Variants in MACROD2 observed in about 807,000 individuals in gnomAD.
MACROD2 encodes ADP-ribose glycohydrolase MACROD2.
In MACROD2, 36 loss-of-function variants were observed where a neutral mutation model predicts 70.4. The ratio of observed to expected loss-of-function variants is 0.51; its 90% confidence interval spans 0.39 to 0.68. The LOEUF is 0.68. MACROD2 is among the 30% of genes least tolerant of loss of function. The probability of loss-of-function intolerance (pLI) is 0.00; values close to 1 mark genes in which losing one functional copy is unlikely to be tolerated. For synonymous variants in MACROD2, 172 were observed against 178.8 expected (o/e 0.96, Z 0.30); for missense variants, 496 against 538.4 (o/e 0.92, Z 0.78).
At chr20:14,072,365 G>T (rs2053856862) in intron 2 of MACROD2, among the ~76,000 whole-genome samples, 1 of 151,992 alleles carries the variant, frequency 6.6e-6, no homozygotes, top group Non-Finnish European at 1.5e-5. Context: ...AACTAAAAAT[G>T]GTATATGAGA....
intron 3 of MACROD2, among the ~76,000 whole-genome samples, chr20:14,214,919 C>A (rs2081602657): frequency 6.6e-6 from 1 of 151,738 alleles, no homozygotes; most frequent in African/African-American, 2.4e-5. Context: ...CAGGTCACTG[C>A]AAATGCTGTT....
chr20:15,412,688 C>T (rs1469054251), intron 6 of MACROD2, among the ~76,000 whole-genome samples: 1 of 152,126 alleles, frequency 6.6e-6, no homozygotes, highest in African/African-American at 2.4e-5. Flanking sequence ...CTCTTAAAGC[C>T]AGAAAAATGG....
At chr20:14,423,833 G>T (rs1285726009) in intron 3 of MACROD2, among the ~76,000 whole-genome samples, 1 of 142,286 alleles carries the variant, frequency 7.0e-6, no homozygotes, top group Non-Finnish European at 1.5e-5. Flanking sequence ...CGGGATCTCG[G>T]CTCACCGCAA....
intron 2 of MACROD2, among the ~76,000 whole-genome samples, chr20:14,022,940 G>C (rs567513310): frequency 6.6e-6 from 1 of 152,210 alleles, no homozygotes; most frequent in African/African-American, 2.4e-5. Context: ...ATAATCCTTT[G>C]GTATATACCC....
intron 5 of MACROD2, among the ~76,000 whole-genome samples, chr20:15,225,924 C>T (rs528925543): frequency 2.0e-5 from 3 of 152,280 alleles, no homozygotes; most frequent in Non-Finnish European, 2.9e-5. Context: ...AAGGAGTCTA[C>T]ATTTGTAATT....
At chr20:15,630,815 A>G (rs1045632254) in intron 8 of MACROD2, among the ~76,000 whole-genome samples, 1 of 152,144 alleles carries the variant, frequency 6.6e-6, no homozygotes, top group Non-Finnish European at 1.5e-5. Context: ...TTTTTCTCTT[A>G]TAGATTTTTT....
At chr20:14,409,220 T>C (rs2083723261) in intron 3 of MACROD2, among the ~76,000 whole-genome samples, 1 of 151,216 alleles carries the variant, frequency 6.6e-6, no homozygotes, top group African/African-American at 2.4e-5. Context: ...CAGTAAATGT[T>C]TATAGAACAG....
At chr20:14,151,894 T>C (rs1020785116) in intron 3 of MACROD2, among the ~76,000 whole-genome samples, 3 of 134,580 alleles carry the variant, frequency 2.2e-5, no homozygotes, top group Non-Finnish European at 3.1e-5. Context: ...CAATCTCGGC[T>C]CACTGCAAGC....
chr20:14,482,873 T>C (rs1656520431), intron 3 of MACROD2, among the ~76,000 whole-genome samples: 2 of 152,084 alleles, frequency 1.3e-5, no homozygotes, highest in South Asian at 4.1e-4. Flanking sequence ...TGCTTAAGAG[T>C]GTGAACTTTC....
intron 5 of MACROD2, among the ~76,000 whole-genome samples, chr20:14,796,264 A>G (rs540707976): frequency 3.3e-5 from 5 of 152,140 alleles, no homozygotes; most frequent in Non-Finnish European, 5.9e-5. Context: ...CAAGAATGCT[A>G]TTCTCCTGTT....
intron 3 of MACROD2, among the ~76,000 whole-genome samples, chr20:14,417,095 A>G (rs1274080712): frequency 4.6e-5 from 5 of 107,762 alleles, no homozygotes; most frequent in African/African-American, 1.0e-4. Flanking sequence ...CTATCTATCT[A>G]TCTATCTATC....
At chr20:14,294,547 G>T (rs2082411761) in intron 3 of MACROD2, among the ~76,000 whole-genome samples, 1 of 151,628 alleles carries the variant, frequency 6.6e-6, no homozygotes, top group African/African-American at 2.4e-5. Context: ...TGACATTTTT[G>T]ATACATTAAT....
intron 8 of MACROD2, among the ~76,000 whole-genome samples, chr20:15,786,968 T>G (rs1431352533): frequency 1.3e-5 from 2 of 151,198 alleles, no homozygotes; most frequent in Non-Finnish European, 3.0e-5. Context: ...TTTTGTTTTG[T>G]TTTTGTTTTT....
intron 5 of MACROD2, among the ~76,000 whole-genome samples, chr20:14,964,718 C>A (rs2074616581): frequency 6.6e-6 from 1 of 152,050 alleles, no homozygotes. Flanking sequence ...TTATTGAGTT[C>A]ATATTGTTTT....
chr20:14,406,530 G>T (rs138582305), intron 3 of MACROD2, among the ~76,000 whole-genome samples: 10 of 152,168 alleles, frequency 6.6e-5, no homozygotes, highest in African/African-American at 2.4e-4. Context: ...GAAACTGTTT[G>T]AGACAGCTAT....
chr20:14,413,224 C>A (rs911724101), intron 3 of MACROD2, among the ~76,000 whole-genome samples: 3 of 148,420 alleles, frequency 2.0e-5, no homozygotes, highest in Non-Finnish European at 3.0e-5. Context: ...TAAATATGTA[C>A]GTGCGTGTGT....
At chr20:15,139,613 A>G (rs1188851884) in intron 5 of MACROD2, among the ~76,000 whole-genome samples, 1 of 152,098 alleles carries the variant, frequency 6.6e-6, no homozygotes, top group Admixed American at 6.5e-5. Flanking sequence ...TGGGTTCCAA[A>G]CAGAATGTAT....
chr20:14,701,117 G>A (rs189807994), intron 5 of MACROD2, among the ~76,000 whole-genome samples: 57 of 152,250 alleles, frequency 3.7e-4, no homozygotes, highest in Middle Eastern at 3.4e-3. Flanking sequence ...GGGAATCAGT[G>A]TCTTTAGCTT....
chr20:14,713,857 C>T (rs1459530434), intron 5 of MACROD2, among the ~76,000 whole-genome samples: 1 of 152,126 alleles, frequency 6.6e-6, no homozygotes, highest in East Asian at 1.9e-4. Flanking sequence ...TTTGAGAGAT[C>T]TGTAATTGGA....
Sources: gnomAD v4.1 joint callset for allele counts (sites outside exome capture counted in the v4.1 genomes callset) on GRCh38, gnomAD v4.1.1 for gene constraint, MANE v1.5 for transcripts, NCBI Gene and HGNC (gene_info 2026-07-23, HGNC 2026-07-21) for gene names.